IGSF10: variants seen among roughly 807,000 people sequenced by gnomAD.
IGSF10 encodes the protein calvaria mechanical force protein 608.
A neutral mutation model predicts 128.2 loss-of-function variants in IGSF10; 126 were observed. The observed-to-expected ratio is 0.98, with a 90% CI of 0.85 to 1.14. The LOEUF is 1.14. IGSF10 is among the 50% of genes most tolerant of loss of function. The pLI is 0.00. For missense variants in IGSF10, 3,295 were observed against 3,149.8 expected (o/e 1.05, Z -1.10); for synonymous variants, 1,185 against 1,146.2 (o/e 1.03, Z -0.68).
chr3:151,558,019 A>T, the IGSF10 span, among the ~76,000 whole-genome samples: 7 of 27,700 alleles, frequency 2.5e-4, no homozygotes, highest in East Asian at 1.2e-3. Flanking sequence ...TATATATATA[A>T]TATATATATT....
Position 151,437,151 on chromosome 3 carries a change from A to T in IGSF10, c.7410T>A (p.Ser2470Arg). 1 of 1,614,164 alleles carries T rather than the reference A, an allele frequency of 6.2e-7. No homozygotes were observed. Among genetic ancestry groups the T allele is most frequent in the Non-Finnish European group, 8.5e-7 (1 of 1,180,004 alleles). ...TTTGAGGCCTGTCTACTACATAACCACTTGGCATAGTCCATTTGATATTTG... is the reference window on the plus strand; with the variant it reads ...TTTGAGGCCTGTCTACTACATAACCTCTTGGCATAGTCCATTTGATATTTG... Reference protein sequence around the residue: ...PKPNIKWTMPSGYVVDRPQIN... With the variant: ...PKPNIKWTMPRGYVVDRPQIN... The change falls in exon 8 of 8, where the codon AGT (serine) becomes AGA (arginine). Residue 2470 changes from serine (S) to arginine (R), a missense_variant. Coordinates refer to ENST00000282466, the MANE Select transcript of IGSF10 (RefSeq NM_178822.5).
the IGSF10 span, among the ~76,000 whole-genome samples, chr3:151,499,328 T>C: frequency 1.3e-5 from 2 of 152,154 alleles, no homozygotes; most frequent in Non-Finnish European, 2.9e-5. Context: ...CTTAATTTAG[T>C]GATGTCAGTT....
At chr3:151,582,292 C>G in the IGSF10 span, among the ~76,000 whole-genome samples, 18 of 39,396 alleles carry the variant, frequency 4.6e-4, 1 homozygote, top group African/African-American at 9.8e-4. Context: ...TAAAAATATC[C>G]GGGGGGGGGG....
the IGSF10 span, among the ~76,000 whole-genome samples, chr3:151,612,402 T>C: frequency 6.6e-6 from 1 of 152,194 alleles, no homozygotes; most frequent in South Asian, 2.1e-4. Flanking sequence ...ACCAGTAATT[T>C]CAGCATCATG....
chr3:151,506,372 C>T, the IGSF10 span, among the ~76,000 whole-genome samples: 3 of 152,156 alleles, frequency 2.0e-5, no homozygotes, highest in African/African-American at 7.2e-5. Context: ...AGCTAAAAAA[C>T]AGTAGGTAAG....
chr3:151,437,932 T>G lies in IGSF10; in HGVS notation c.6629A>C (p.Glu2210Ala). 6.2e-7 allele frequency: 1 copy of G among 1,614,222 alleles called. No homozygotes were observed. The highest frequency in any genetic ancestry group is 8.5e-7 in the Non-Finnish European group (1 of 1,180,026). ...GGGATTTCGGGCTACACATACGTAC[T>G]CTCCAGAATCGAGCAGTTTCACTTT... ...INKVKLLDSG[E>A]YVCVARNPSG... The change falls in exon 8 of 8, where the codon GAG (glutamate) becomes GCG (alanine). Residue 2210 changes from glutamate to alanine, a missense_variant. Physicochemically the swap from Glu to Ala is moderately radical, Grantham distance 107. Coordinates refer to ENST00000282466, the MANE Select transcript of IGSF10 (RefSeq NM_178822.5).
At chr3:151,503,518 G>T in the IGSF10 span, among the ~76,000 whole-genome samples, 1 of 152,046 alleles carries the variant, frequency 6.6e-6, no homozygotes, top group Admixed American at 6.6e-5. Context: ...TAGAGACAAA[G>T]GAGTAAACTA....
chr3:151,615,964 GTT>G, the IGSF10 span, among the ~76,000 whole-genome samples: 49 of 132,330 alleles, frequency 3.7e-4, no homozygotes, highest in African/African-American at 8.6e-4. Flanking sequence ...GTTTTTTGAG[GTT>G]TTTTTTTTTT....
the IGSF10 span, among the ~76,000 whole-genome samples, chr3:151,575,050 G>T: frequency 3.9e-5 from 6 of 152,204 alleles, no homozygotes; most frequent in African/African-American, 1.4e-4. Flanking sequence ...GCCAGTGGAG[G>T]CTGCAGAACA....
At chr3:151,478,886 A>G in the IGSF10 span, among the ~76,000 whole-genome samples, 9 of 152,256 alleles carry the variant, frequency 5.9e-5, no homozygotes, top group African/African-American at 2.2e-4. Context: ...ATTAAATTAA[A>G]TTGATGTATG....
At position 151,436,759 on chromosome 3, in the gene IGSF10, C is replaced by A; in HGVS notation, c.7802G>T (p.Gly2601Val). ...GTTCTTTGCTGTGCATTTGTATATC[C>A]CAGAATCGGAGGTTTGGGGATTCTG... ...VIQNPQTSDSGIYKCTAKNPL... is the reference protein window; with the variant it reads ...VIQNPQTSDSVIYKCTAKNPL... The change falls in exon 8 of 8, where the codon GGG (glycine) becomes GTG (valine). Residue 2601 changes from glycine to valine, a missense_variant. Physicochemically the swap from Gly to Val is moderately radical, Grantham distance 109 (BLOSUM62 -3). Coordinates refer to ENST00000282466, the MANE Select transcript of IGSF10 (RefSeq NM_178822.5). The A allele has an allele frequency of 6.2e-7, 1 of 1,614,032 alleles. No individual in the cohort carries two copies. The highest frequency in any genetic ancestry group is 2.2e-5 in the East Asian group (1 of 44,880).
At chr3:151,461,359 G>A, upstream of IGSF10, 1 of 985,356 alleles carries the variant, frequency 1.0e-6, no homozygotes, top group South Asian at 4.7e-5. Context: ...AATCGCCGCA[G>A]GCTGTCCTTG....
In IGSF10 at chr3:151,437,989, G is replaced by A. The variant is rs900536316; in HGVS notation, c.6572C>T (p.Thr2191Ile). 1.2e-6 allele frequency: 2 copies of A among 1,614,068 alleles called. No individual in the cohort carries two copies. Among genetic ancestry groups the A allele is most frequent in the Non-Finnish European group, 8.5e-7 (1 of 1,180,024 alleles). Residue 2191 changes from threonine (T) to isoleucine (I), a missense_variant, in exon 8 of 8, where the codon ACA becomes ATA. Physicochemically the swap from Thr to Ile is moderately conservative, Grantham distance 89 (BLOSUM62 -1). Transcript: ENST00000282466. ...DMISFSIDRY[T>I]FHANGSLTIN... ...GGTCAAAGACCCATTGGCATGAAATGTGTACCTATCAATGGAGAAGGAAAT... is the reference window on the plus strand; with the variant it reads ...GGTCAAAGACCCATTGGCATGAAATATGTACCTATCAATGGAGAAGGAAAT...
chr3:151,446,530 G>A lies in IGSF10; in HGVS notation c.3451C>T (p.Pro1151Ser). 6.2e-7 allele frequency: 1 copy of A among 1,614,116 alleles called. No homozygotes were observed. The highest frequency in any genetic ancestry group is 8.5e-7 in the Non-Finnish European group (1 of 1,179,972). Residue 1151 changes from proline to serine, a missense_variant, in exon 6 of 8, where the codon CCC becomes TCC. Pro to Ser is a moderately conservative substitution (Grantham distance 74). Coordinates refer to ENST00000282466, the MANE Select transcript of IGSF10 (RefSeq NM_178822.5). ...TTTACTTTGTGAGTTTTTTCCATGG[G>A]TATGGATGTTGGAGCATATGTCATG... ...AVMTYAPTSIPMEKTHKVNAS... is the reference protein window; with the variant it reads ...AVMTYAPTSISMEKTHKVNAS...
chr3:151,461,018 T>C lies in IGSF10; in HGVS notation c.-161A>G. The C allele has an allele frequency of 1.0e-6, 1 of 985,222 alleles. No individual in the cohort carries two copies. The allele number at this position is 985,222 out of a possible 1,614,324, so 61.0% of individuals were successfully genotyped here. ...CGGGCTCGGTCCCGGGCTCAGCTGCTGGGGTCGTGCGGAGCTGGTCCGGAG... is the reference window on the plus strand; with the variant it reads ...CGGGCTCGGTCCCGGGCTCAGCTGCCGGGGTCGTGCGGAGCTGGTCCGGAG... On this transcript the variant is annotated 5_prime_UTR_variant, in exon 1 of 8. Transcript: ENST00000282466.
At chr3:151,547,956 G>T in the IGSF10 span, among the ~76,000 whole-genome samples, 2 of 152,188 alleles carry the variant, frequency 1.3e-5, no homozygotes, top group Non-Finnish European at 2.9e-5. Flanking sequence ...TGGTGTGGAA[G>T]ATTGTATTTC....
chr3:151,576,978 T>C, the IGSF10 span, among the ~76,000 whole-genome samples: 3 of 152,300 alleles, frequency 2.0e-5, no homozygotes, highest in East Asian at 5.8e-4. Context: ...AAACTTTCAA[T>C]TTACTCTGTC....
At chr3:151,490,461 C>A in the IGSF10 span, among the ~76,000 whole-genome samples, 1 of 149,072 alleles carries the variant, frequency 6.7e-6, no homozygotes, top group Non-Finnish European at 1.5e-5. Context: ...ATGGATAGAT[C>A]AATTAGACAG....
At chr3:151,560,691 G>A in the IGSF10 span, among the ~76,000 whole-genome samples, 1 of 126,834 alleles carries the variant, frequency 7.9e-6, no homozygotes, top group Non-Finnish European at 1.7e-5. Context: ...AACAAATTAT[G>A]CATTGCCATA....
Sources: allele counts gnomAD v4.1 joint callset (sites outside exome capture counted in the v4.1 genomes callset), GRCh38; gene constraint gnomAD v4.1.1; transcripts MANE v1.5; gene names NCBI Gene and HGNC (gene_info 2026-07-23, HGNC 2026-07-21).